Variants in GRIN3A observed in about 807,000 individuals in gnomAD.
GRIN3A encodes glutamate receptor ionotropic, NMDA 3A.
A neutral mutation model predicts 92.4 loss-of-function variants in GRIN3A; 47 were observed. The observed-to-expected ratio is 0.51, with a 90% CI of 0.40 to 0.65. GRIN3A has a LOEUF of 0.65. Ranked by LOEUF, GRIN3A falls within the 30% of genes least tolerant of loss-of-function variation. The probability of loss-of-function intolerance (pLI) is 0.00; values close to 1 mark genes in which losing one functional copy is unlikely to be tolerated. For synonymous variants in GRIN3A, 527 were observed against 540.6 expected, an observed-to-expected ratio of 0.97 and a Z score of 0.35; for missense variants, 1,324 against 1,393.1, an observed-to-expected ratio of 0.95 and a Z score of 0.79.
intron 6 of GRIN3A, among the ~76,000 whole-genome samples, chr9:101,585,546 C>G (rs903878902): frequency 2.0e-5 from 3 of 152,198 alleles, no homozygotes; most frequent in African/African-American, 2.4e-5. Flanking sequence ...TCTTTCTCAT[C>G]ACAATGAACC....
At chr9:101,705,192 T>C (rs117956774) in intron 1 of GRIN3A, among the ~76,000 whole-genome samples, 3,839 of 152,034 alleles carry the variant, frequency 0.025, 80 homozygotes, top group South Asian at 0.087. Flanking sequence ...CCTGTGCCCA[T>C]ATAAACCTGA....
At chr9:101,603,629 G>A (rs908945376) in intron 6 of GRIN3A, among the ~76,000 whole-genome samples, 2 of 152,140 alleles carry the variant, frequency 1.3e-5, no homozygotes, top group African/African-American at 2.4e-5. Flanking sequence ...CTACAAGCCC[G>A]AGCACAGGAA....
At chr9:101,675,178 A>G (rs1323430) in intron 2 of GRIN3A, among the ~76,000 whole-genome samples, 34,863 of 151,842 alleles carry the variant, frequency 0.23, 4,348 homozygotes, top group East Asian at 0.56. Flanking sequence ...CATCTTTTTT[A>G]TCAACAAACC....
At chr9:101,591,541 C>T (rs1828026309) in intron 6 of GRIN3A, 1 of 152,132 alleles carries the variant, frequency 6.6e-6, no homozygotes, top group African/African-American at 2.4e-5. Flanking sequence ...GAAATAATGG[C>T]ACCAGACTCA....
chr9:101,638,053 CTTTAT>C (rs1413450519), intron 3 of GRIN3A, among the ~76,000 whole-genome samples: 4 of 152,156 alleles, frequency 2.6e-5, no homozygotes, highest in African/African-American at 9.7e-5. Flanking sequence ...AGTTTCTAGT[CTTTAT>C]TTTCTTTTCT....
intron 2 of GRIN3A, among the ~76,000 whole-genome samples, chr9:101,683,174 A>G (rs994929970): frequency 1.3e-5 from 2 of 152,170 alleles, no homozygotes; most frequent in African/African-American, 4.8e-5. Flanking sequence ...GCCATGAGAA[A>G]TGACTTTTCT....
chr9:101,718,902 G>C (rs1020602724), intron 1 of GRIN3A, among the ~76,000 whole-genome samples: 1 of 152,042 alleles, frequency 6.6e-6, no homozygotes, highest in African/African-American at 2.4e-5. Context: ...AATGGTACTG[G>C]TATTTCATTA....
intron 6 of GRIN3A, among the ~76,000 whole-genome samples, chr9:101,586,926 T>C (rs1409493301): frequency 1.3e-5 from 2 of 152,190 alleles, no homozygotes; most frequent in Non-Finnish European, 2.9e-5. Flanking sequence ...CTTGGAGTGC[T>C]GTGGTTCGAG....
At chr9:101,596,984 C>T (rs1465904781) in intron 6 of GRIN3A, among the ~76,000 whole-genome samples, 4 of 152,186 alleles carry the variant, frequency 2.6e-5, no homozygotes, top group African/African-American at 9.7e-5. Context: ...ACTGCGTGGG[C>T]CACATGCCCA....
At chr9:101,656,976 A>C (rs1829096440) in intron 3 of GRIN3A, among the ~76,000 whole-genome samples, 1 of 151,928 alleles carries the variant, frequency 6.6e-6, no homozygotes, top group African/African-American at 2.4e-5. Flanking sequence ...CCAGTGATAT[A>C]TATTCCCCTT....
intron 6 of GRIN3A, among the ~76,000 whole-genome samples, chr9:101,602,146 T>C (rs1270992527): frequency 6.6e-6 from 1 of 152,164 alleles, no homozygotes; most frequent in African/African-American, 2.4e-5. Context: ...GGCTCTCTCA[T>C]GATGTTGCCT....
intron 6 of GRIN3A, among the ~76,000 whole-genome samples, chr9:101,590,254 C>G (rs1252426270): frequency 6.6e-6 from 1 of 152,096 alleles, no homozygotes; most frequent in Non-Finnish European, 1.5e-5. Flanking sequence ...CAGTCATTGG[C>G]TACTGGGGTA....
intron 1 of GRIN3A, among the ~76,000 whole-genome samples, chr9:101,723,183 C>T (rs889470425): frequency 6.6e-5 from 10 of 152,180 alleles, no homozygotes; most frequent in African/African-American, 2.4e-4. Context: ...AGCCGCGGAC[C>T]CTCGCGGTGA....
intron 2 of GRIN3A, among the ~76,000 whole-genome samples, chr9:101,679,025 A>G (rs557439748): frequency 6.6e-6 from 1 of 152,274 alleles, no homozygotes; most frequent in African/African-American, 2.4e-5. Flanking sequence ...AACTCAATTC[A>G]TTCTGGCTCT....
intron 2 of GRIN3A, among the ~76,000 whole-genome samples, chr9:101,676,485 G>A (rs1829396982): frequency 6.6e-6 from 1 of 151,582 alleles, no homozygotes; most frequent in Non-Finnish European, 1.5e-5. Flanking sequence ...CTTTTCCCAT[G>A]ATCATCTCAT....
intron 1 of GRIN3A, among the ~76,000 whole-genome samples, chr9:101,712,396 C>G (rs1829889597): frequency 6.6e-6 from 1 of 152,134 alleles, no homozygotes; most frequent in African/African-American, 2.4e-5. Context: ...TAGCTTCAAA[C>G]CAGGTCATGG....
intron 5 of GRIN3A, among the ~76,000 whole-genome samples, chr9:101,617,169 C>T (rs1285786429): frequency 3.5e-5 from 5 of 141,848 alleles, no homozygotes; most frequent in East Asian, 2.0e-4. Flanking sequence ...CACTGCAGTC[C>T]GCAGTCCGGC....
intron 6 of GRIN3A, among the ~76,000 whole-genome samples, chr9:101,590,052 A>G (rs903823298): frequency 6.6e-5 from 10 of 152,216 alleles, no homozygotes; most frequent in African/African-American, 2.2e-4. Context: ...AATTTTTAAA[A>G]AACATTGTGA....
At position 101,686,587 on chromosome 9, in the gene GRIN3A, G is replaced by T; in HGVS notation, c.1304+9C>A. Reference sequence around the variant, plus strand: ...TGAATGGGGATATAACCGAGACCTTGCATCCTACCTTGATAAATATTGTCC... The same window carrying T: ...TGAATGGGGATATAACCGAGACCTTTCATCCTACCTTGATAAATATTGTCC... On this transcript the variant is annotated intron_variant, in intron 2 of 8. Transcript: ENST00000361820. 1.9e-6 allele frequency: 3 copies of T among 1,614,056 alleles called. No homozygotes were observed. Among genetic ancestry groups the T allele is most frequent in the Non-Finnish European group, 2.5e-6 (3 of 1,179,954 alleles).
Sources: gnomAD v4.1 joint callset for allele counts (sites outside exome capture counted in the v4.1 genomes callset) on GRCh38, gnomAD v4.1.1 for gene constraint, MANE v1.5 for transcripts, NCBI Gene and HGNC (gene_info 2026-07-23, HGNC 2026-07-21) for gene names.